HMCN1: variants seen among roughly 807,000 people sequenced by gnomAD.
The protein encoded by HMCN1 is hemicentin-1.
Under a neutral mutation model 625.9 loss-of-function variants are expected in HMCN1, and 321 were observed. The observed-to-expected ratio is 0.51, with a 90% CI of 0.47 to 0.56. The LOEUF is 0.56. Among genes scored for constraint, HMCN1 ranks in the 20% least tolerant of loss-of-function variants. The pLI, the probability that HMCN1 is intolerant of heterozygous loss-of-function variation, is 0.00. For missense variants in HMCN1, 6,588 were observed against 6,887.3 expected (o/e 0.96, Z 1.54); for synonymous variants, 2,425 against 2,417.6 (o/e 1.00, Z -0.09).
rs755219756 is a variant in HMCN1, at chr1:185,989,594, C to A, written c.3155C>A (p.Thr1052Asn). Residue 1052 changes from threonine (T) to asparagine (N), a missense_variant, in exon 21 of 107, where the codon ACT (threonine) becomes AAT (asparagine). Coordinates refer to ENST00000271588, the MANE Select transcript of HMCN1 (RefSeq NM_031935.3). ...GGEESGEYVC[T>N]ATNTAGYAKR... ...GAGGAGAGTGGGGAGTATGTCTGCA[C>A]TGCCACCAATACAGCCGGCTACGCC... The A allele has an allele frequency of 1.2e-6, 2 of 1,614,012 alleles. No individual in the cohort carries two copies. The highest frequency in any genetic ancestry group is 1.7e-6 in the Non-Finnish European group (2 of 1,179,968).
intron 1 of HMCN1, among the ~76,000 whole-genome samples, chr1:185,787,141 A>ATGTGTGTGTGTG (rs375544191): frequency 4.4e-4 from 62 of 141,342 alleles, no homozygotes; most frequent in African/African-American, 1.5e-3. Flanking sequence ...GCCATGATGT[A>ATGTGTGTGTGTG]TGTGTGTGTG....
At chr1:186,062,814 C>T (rs1266437487) in intron 48 of HMCN1, among the ~76,000 whole-genome samples, 1 of 151,510 alleles carries the variant, frequency 6.6e-6, no homozygotes, top group Admixed American at 6.6e-5. Flanking sequence ...CTCTCAATCC[C>T]TCTCCCACCC....
At position 186,063,066 on chromosome 1, in the gene HMCN1, GCATATATATA is replaced by G. The variant is rs1342624188; in HGVS notation, c.7513+467_7513+476del. On this transcript the variant is annotated intron_variant, in intron 48 of 106. Coordinates refer to ENST00000271588, the MANE Select transcript of HMCN1 (RefSeq NM_031935.3). ...TGTGTGTGTGTGTGTGTGTGTGTGT[GCATATATATA>G]TATATATATATATATATATATATAT... Among the ~76,000 whole-genome samples the G allele has an allele frequency of 7.9e-3, 237 of 29,918 alleles. 6 individuals carry two copies. Among genetic ancestry groups the G allele is most frequent in the Middle Eastern group, 0.028 (1 of 36 alleles). The allele number at this position is 29,918 out of a possible 152,430, so 19.6% of individuals were successfully genotyped here.
intron 1 of HMCN1, among the ~76,000 whole-genome samples, chr1:185,787,174 T>TGC (rs1168700358): frequency 1.3e-5 from 2 of 151,448 alleles, no homozygotes; most frequent in African/African-American, 2.4e-5. Context: ...TGTGTGTGTG[T>TGC]GTGTGCATGC....
chr1:186,067,955 G>A lies in HMCN1; in HGVS notation c.7827G>A (p.Trp2609Ter). The A allele has an allele frequency of 6.2e-7, 1 of 1,613,692 alleles. No homozygotes were observed. Among genetic ancestry groups the A allele is most frequent in the Non-Finnish European group, 8.5e-7 (1 of 1,179,688 alleles). Residue 2609 changes from tryptophan (W) to a stop codon, truncating the protein, a stop_gained, in exon 50 of 107, where the codon TGG (tryptophan) becomes TGA (stop). Transcript: ENST00000271588. LOFTEE classifies it high-confidence loss of function. ...AYSYPPATITWFKDGTPLESN... is the reference protein window; with the variant it reads ...AYSYPPATIT ...CATATCCTCCAGCTACCATCACCTG[G>A]TTTAAGGATGGCACTCCTTTAGAAT... is the stretch of plus-strand genomic sequence containing the variant.
intron 1 of HMCN1, among the ~76,000 whole-genome samples, chr1:185,837,186 A>G (rs1021900750): frequency 6.6e-6 from 1 of 152,036 alleles, no homozygotes; most frequent in African/African-American, 2.4e-5. Context: ...TAAGACTTGT[A>G]ATACATGTAA....
chr1:186,140,557 C>T (rs1649893365), intron 89 of HMCN1, among the ~76,000 whole-genome samples: 1 of 152,118 alleles, frequency 6.6e-6, no homozygotes, highest in Non-Finnish European at 1.5e-5. Context: ...AAGGTAGTGT[C>T]TGTCATTGTA....
At chr1:186,188,035 C>T (rs754047450) in intron 106 of HMCN1, 26 bp downstream of exon 106, 1 of 1,613,518 alleles carries the variant, frequency 6.2e-7, no homozygotes, top group East Asian at 2.2e-5. Flanking sequence ...TCATCCCAGA[C>T]ATGCTTTTGA....
chr1:186,112,113 T>C (rs1373268154), intron 71 of HMCN1, among the ~76,000 whole-genome samples: 5 of 152,242 alleles, frequency 3.3e-5, no homozygotes, highest in Non-Finnish European at 7.3e-5. Context: ...TTCATTGTGC[T>C]CTATTTTCAT....
chr1:186,114,250 A>G (rs1661022897), intron 73 of HMCN1, 127 bp downstream of exon 73: 4 of 988,380 alleles, frequency 4.0e-6, no homozygotes, highest in Admixed American at 2.0e-5. Context: ...ACGAGAATCA[A>G]AATTTAGTAT....
chr1:185,973,676 C>G (rs1188232733), intron 15 of HMCN1, among the ~76,000 whole-genome samples: 1 of 151,776 alleles, frequency 6.6e-6, no homozygotes, highest in Non-Finnish European at 1.5e-5. Context: ...TACTTATTAT[C>G]ATGGTTTTAA....
intron 20 of HMCN1, among the ~76,000 whole-genome samples, 197 bp downstream of exon 20, chr1:185,987,741 C>T (rs889984456): frequency 2.5e-4 from 38 of 151,946 alleles, no homozygotes; most frequent in African/African-American, 4.1e-4. Context: ...AAGGCTCCCT[C>T]GGAGGGACAG....
At chr1:185,848,777 C>G (rs1333894507) in intron 2 of HMCN1, among the ~76,000 whole-genome samples, 2 of 152,156 alleles carry the variant, frequency 1.3e-5, no homozygotes, top group Non-Finnish European at 2.9e-5. Context: ...ACACCCTGCA[C>G]TTTTACCCCT....
At chr1:185,939,310 A>G (rs1402758741) in intron 11 of HMCN1, among the ~76,000 whole-genome samples, 2 of 152,218 alleles carry the variant, frequency 1.3e-5, no homozygotes, top group African/African-American at 4.8e-5. Context: ...TACCACGAGG[A>G]TAATGGTACA....
rs941509973 is a variant in HMCN1 at position 186,069,747 on chromosome 1, T to A, written c.7964T>A (p.Met2655Lys). The A allele has an allele frequency of 6.2e-7, 1 of 1,613,002 alleles. No homozygotes were observed. The highest frequency in any genetic ancestry group is 8.5e-7 in the Non-Finnish European group (1 of 1,179,302). Residue 2655 changes from methionine to lysine, a missense_variant, in exon 51 of 107, where the codon ATG (methionine) becomes AAG (lysine). Around this residue, in one of 3 missense-constraint regions of HMCN1, gnomAD observed 4,628 missense variants for 4,853.1 expected, o/e 0.95. Transcript: ENST00000271588. Reference sequence around the variant, plus strand: ...GTAGCCACGAATGAGGCTGGAGAAATGATAAAGCACTATGAAGTGAAGGTG... The same window carrying A: ...GTAGCCACGAATGAGGCTGGAGAAAAGATAAAGCACTATGAAGTGAAGGTG... ...SCVATNEAGE[M>K]IKHYEVKVYI...
chr1:185,814,692 AT>A (rs1335746648), intron 1 of HMCN1, among the ~76,000 whole-genome samples: 1 of 140,372 alleles, frequency 7.1e-6, no homozygotes, highest in African/African-American at 3.1e-5. Flanking sequence ...AATTATTATT[AT>A]TTATTTTTTT....
At chr1:185,887,027 A>T (rs1007185879) in intron 4 of HMCN1, among the ~76,000 whole-genome samples, 1 of 152,002 alleles carries the variant, frequency 6.6e-6, no homozygotes, top group Non-Finnish European at 1.5e-5. Context: ...CTGCCTCGGC[A>T]CTTCTGCTTC....
At chr1:186,021,813 T>A (rs915326387) in intron 35 of HMCN1, among the ~76,000 whole-genome samples, 6 of 152,048 alleles carry the variant, frequency 3.9e-5, no homozygotes, top group African/African-American at 1.4e-4. Context: ...ATTTGAATTT[T>A]AAACAAATTA....
chr1:185,858,350 A>G (rs1662603614), intron 2 of HMCN1, among the ~76,000 whole-genome samples: 1 of 152,198 alleles, frequency 6.6e-6, no homozygotes, highest in East Asian at 1.9e-4. Context: ...TTTATGGATT[A>G]TGATTTTACA....
Sources: gnomAD v4.1 joint callset for allele counts (sites outside exome capture counted in the v4.1 genomes callset) on GRCh38, gnomAD v4.1.1 for gene constraint, gnomAD v4.1.1 regional missense constraint, MANE v1.5 for transcripts, NCBI Gene and HGNC (gene_info 2026-07-23, HGNC 2026-07-21) for gene names.